The following ARL6 variants were observed in gnomAD, a reference collection of about 807,000 sequenced individuals.
The protein encoded by ARL6 is ARF like GTPase 6.
Under a neutral mutation model 27.1 loss-of-function variants are expected in ARL6, and 18 were observed. The observed-to-expected ratio is 0.66, with a 90% CI of 0.46 to 0.98. The LOEUF (loss-of-function observed/expected upper bound fraction) is 0.98, where lower values mean the gene tolerates loss of function less well. Among genes scored for constraint, ARL6 ranks in the 50% least tolerant of loss-of-function variants. ARL6 has a pLI of 0.00. For synonymous variants in ARL6, 65 were observed against 72.3 expected, an observed-to-expected ratio of 0.90 and a Z score of 0.51; for missense variants, 187 against 214.9, an observed-to-expected ratio of 0.87 and a Z score of 0.81.
chr3:97,765,211 G>GGGGGGT (rs373304649), intron 1 of ARL6, among the ~76,000 whole-genome samples: 3 of 105,536 alleles, frequency 2.8e-5, no homozygotes, highest in African/African-American at 8.7e-5. Context: ...GTGTATTGGG[G>GGGGGGT]GTGTGTGTGT....
intron 1 of ARL6, among the ~76,000 whole-genome samples, chr3:97,766,979 A>G (rs1319846500): frequency 4.6e-5 from 7 of 152,118 alleles, no homozygotes; most frequent in Non-Finnish European, 7.4e-5. Context: ...TGAAAAGTTT[A>G]GTTTGGAGAC....
At chr3:97,769,241 G>A (rs1424976986) in intron 2 of ARL6, among the ~76,000 whole-genome samples, 1 of 151,928 alleles carries the variant, frequency 6.6e-6, no homozygotes, top group African/African-American at 2.4e-5. Context: ...AATGTACTGA[G>A]GTTGCTGGCA....
intron 2 of ARL6, among the ~76,000 whole-genome samples, chr3:97,778,509 G>T (rs996091901): frequency 6.6e-6 from 1 of 152,106 alleles, no homozygotes; most frequent in East Asian, 1.9e-4. Flanking sequence ...ATGTAATAGT[G>T]TGAGGCAAAA....
intron 7 of ARL6, among the ~76,000 whole-genome samples, chr3:97,796,888 G>A (rs1041745270): frequency 2.6e-4 from 40 of 152,204 alleles, no homozygotes; most frequent in African/African-American, 9.6e-4. Context: ...GTAGAATAAA[G>A]ACATCTTCAG....
chr3:97,768,192 G>A lies in ARL6; in HGVS notation c.85G>A (p.Gly29Ser). 6.2e-7 allele frequency: 1 copy of A among 1,612,900 alleles called. No individual in the cohort carries two copies. Among genetic ancestry groups the A allele is most frequent in the East Asian group, 2.2e-5 (1 of 44,820 alleles). The change falls in exon 2 of 8, where the codon GGC (glycine) becomes AGC (serine). Residue 29 changes from glycine to serine, a missense_variant. Gly to Ser is a moderately conservative substitution (Grantham distance 56). Coordinates refer to ENST00000463745, the MANE Select transcript of ARL6 (RefSeq NM_001278293.3). Reference protein sequence around the residue: ...HVLCLGLDNSGKTTIINKLKP... With the variant: ...HVLCLGLDNSSKTTIINKLKP... The stretch of plus-strand genomic sequence containing the variant: ...TTTGTGCCTTGGGCTAGATAATAGT[G>A]GCAAAACGACGATCATTAACAAACT...
intron 5 of ARL6, 140 bp from the exon 6 acceptor site, chr3:97,787,850 A>G (rs769468623): frequency 1.2e-6 from 1 of 818,268 alleles, no homozygotes; most frequent in Non-Finnish European, 2.0e-6. Context: ...GTGTGACAGT[A>G]TGTGTCTTTA....
intron 5 of ARL6, 61 bp downstream of exon 5, chr3:97,785,110 G>C: frequency 7.4e-7 from 1 of 1,347,054 alleles, no homozygotes; most frequent in Non-Finnish European, 1.1e-6. Context: ...GTAATGTTTT[G>C]TTCTTTGGGT....
chr3:97,785,124 G>C (rs1330389627), intron 5 of ARL6, 75 bp downstream of exon 5: 11 of 1,102,102 alleles, frequency 1.0e-5, no homozygotes, highest in Non-Finnish European at 1.2e-5. Context: ...TTTGGGTATT[G>C]CTTATACTAT....
chr3:97,774,779 A>G (rs1490672725), intron 2 of ARL6, among the ~76,000 whole-genome samples: 1 of 152,122 alleles, frequency 6.6e-6, no homozygotes, highest in African/African-American at 2.4e-5. Flanking sequence ...TCTACAGGAG[A>G]TAAGACTCTC....
chr3:97,795,245 A>G (rs1219601565), intron 7 of ARL6, among the ~76,000 whole-genome samples: 7 of 152,228 alleles, frequency 4.6e-5, no homozygotes, highest in Admixed American at 4.6e-4. Flanking sequence ...TTAAACTGCC[A>G]GAGAGTAAAC....
At chr3:97,768,316 G>GT in intron 2 of ARL6, 86 bp downstream of exon 2, 2 of 1,376,540 alleles carry the variant, frequency 1.5e-6, no homozygotes, top group Non-Finnish European at 2.0e-6. Flanking sequence ...CGTTAAAACC[G>GT]CATATAATCA....
intron 7 of ARL6, among the ~76,000 whole-genome samples, chr3:97,796,785 T>C (rs987480403): frequency 6.6e-6 from 1 of 151,870 alleles, no homozygotes; most frequent in African/African-American, 2.4e-5. Context: ...CAGCAACAAC[T>C]TGGAAGCTGT....
At chr3:97,784,090 T>G (rs1053640092) in intron 4 of ARL6, among the ~76,000 whole-genome samples, 10 of 151,910 alleles carry the variant, frequency 6.6e-5, no homozygotes, top group African/African-American at 2.2e-4. Flanking sequence ...TGTAGGAGGA[T>G]ATTTGCCTTA....
At chr3:97,781,870 T>C (rs2037217059) in intron 4 of ARL6, among the ~76,000 whole-genome samples, 1 of 152,074 alleles carries the variant, frequency 6.6e-6, no homozygotes, top group African/African-American at 2.4e-5. Flanking sequence ...AAATGGTATG[T>C]GATATTTACC....
At chr3:97,776,889 C>T (rs1178245731) in intron 2 of ARL6, among the ~76,000 whole-genome samples, 4 of 152,214 alleles carry the variant, frequency 2.6e-5, no homozygotes, top group African/African-American at 7.2e-5. Flanking sequence ...GAACTCATAA[C>T]TTGAGGTGAC....
chr3:97,792,002 A>C (rs2037764622), intron 7 of ARL6, 176 bp downstream of exon 7: 1 of 592,956 alleles, frequency 1.7e-6, no homozygotes, highest in Non-Finnish European at 3.0e-6. Context: ...TACTTCTATC[A>C]CATATTGCTA....
chr3:97,781,074 T>C (rs577434490), intron 4 of ARL6, among the ~76,000 whole-genome samples: 32 of 152,284 alleles, frequency 2.1e-4, no homozygotes, highest in Admixed American at 4.6e-4. Context: ...ATACTTACCA[T>C]GTCTTGAAGT....
At chr3:97,773,550 G>A (rs549712687) in intron 2 of ARL6, among the ~76,000 whole-genome samples, 1 of 152,224 alleles carries the variant, frequency 6.6e-6, no homozygotes, top group Admixed American at 6.5e-5. Context: ...TCATAATTAT[G>A]CCTAACATAA....
At chr3:97,790,900 T>C (rs1559690495) in intron 6 of ARL6, among the ~76,000 whole-genome samples, 1 of 152,144 alleles carries the variant, frequency 6.6e-6, no homozygotes, top group Admixed American at 6.5e-5. Context: ...TCAGAAACTC[T>C]AATCATATAT....
Sources: gnomAD v4.1 joint callset for allele counts (sites outside exome capture counted in the v4.1 genomes callset) on GRCh38, gnomAD v4.1.1 for gene constraint, MANE v1.5 for transcripts, NCBI Gene and HGNC (gene_info 2026-07-23, HGNC 2026-07-21) for gene names.